The following COBL variants were observed in gnomAD, a reference collection of about 807,000 sequenced individuals.
The protein encoded by COBL is protein cordon-bleu.
In COBL, 51 loss-of-function variants were observed where a neutral mutation model predicts 98.8. That is an observed-to-expected ratio of 0.52 (90% CI 0.41 to 0.65). COBL has a LOEUF of 0.65. Ranked by LOEUF, COBL falls within the 30% of genes least tolerant of loss-of-function variation. The pLI is 0.00. For missense variants in COBL, 1,617 were observed against 1,617.5 expected (o/e 1.00, Z 0.01); for synonymous variants, 634 against 651.7 (o/e 0.97, Z 0.41).
intron 6 of COBL, among the ~76,000 whole-genome samples, chr7:51,112,814 C>T (rs1796955179): frequency 6.6e-6 from 1 of 152,152 alleles, no homozygotes; most frequent in South Asian, 2.1e-4. Flanking sequence ...GCTTCAGTTG[C>T]CCCATCTAGA....
chr7:51,122,633 T>G (rs117627781), intron 6 of COBL, among the ~76,000 whole-genome samples: 1 of 152,350 alleles, frequency 6.6e-6, no homozygotes, highest in Non-Finnish European at 1.5e-5. Flanking sequence ...TCTTTGCTAG[T>G]TTTGTTAATT....
At chr7:51,188,817 C>T (rs761354527) in intron 4 of COBL, among the ~76,000 whole-genome samples, 8 of 152,184 alleles carry the variant, frequency 5.3e-5, no homozygotes, top group Non-Finnish European at 1.0e-4. Context: ...ATGGGCTATC[C>T]TGGGTCCTCT....
At chr7:51,234,702 GA>G (rs71021761) in intron 1 of COBL, among the ~76,000 whole-genome samples, 72,050 of 113,914 alleles carry the variant, frequency 0.63, 20,206 homozygotes, top group East Asian at 0.7. Context: ...CCCTGTTTCA[GA>G]AAAAAAAAAA....
At chr7:51,158,397 A>G (rs1786412406) in intron 5 of COBL, among the ~76,000 whole-genome samples, 1 of 151,870 alleles carries the variant, frequency 6.6e-6, no homozygotes, top group African/African-American at 2.4e-5. Flanking sequence ...GAGCCTCCTC[A>G]CTCACACGCG....
At chr7:51,060,273 C>T (rs1791197507) in intron 7 of COBL, among the ~76,000 whole-genome samples, 1 of 152,242 alleles carries the variant, frequency 6.6e-6, no homozygotes, top group South Asian at 2.1e-4. Flanking sequence ...CTTGCTTCTC[C>T]ATCAGTAGCT....
At chr7:51,032,997 T>C (rs1405286475) in intron 8 of COBL, 2 of 152,168 alleles carry the variant, frequency 1.3e-5, no homozygotes, top group African/African-American at 4.8e-5. Flanking sequence ...TTCAAAGTAT[T>C]TGCCTTTATT....
intron 1 of COBL, among the ~76,000 whole-genome samples, chr7:51,301,595 C>T (rs998900317): frequency 1.3e-5 from 2 of 152,238 alleles, no homozygotes; most frequent in African/African-American, 4.8e-5. Context: ...GTCTAATATT[C>T]GAAGAACAAT....
At chr7:51,068,373 C>T (rs2128920259) in intron 7 of COBL, among the ~76,000 whole-genome samples, 1 of 152,292 alleles carries the variant, frequency 6.6e-6, no homozygotes, top group East Asian at 1.9e-4. Context: ...TCATTAGGGT[C>T]ATCAATTTTA....
At chr7:51,136,362 A>G in intron 5 of COBL, 31 bp from the exon 6 acceptor site, 1 of 1,594,852 alleles carries the variant, frequency 6.3e-7, no homozygotes, top group South Asian at 1.1e-5. Flanking sequence ...AGAAAACCAA[A>G]TCAGTATGAG....
chr7:51,240,550 TA>T (rs1795691598), intron 1 of COBL, among the ~76,000 whole-genome samples: 1 of 149,632 alleles, frequency 6.7e-6, no homozygotes, highest in African/African-American at 2.5e-5. Context: ...ATTTTTTTTT[TA>T]TTTTATTTTT....
intron 1 of COBL, among the ~76,000 whole-genome samples, chr7:51,235,159 A>G (rs1795130854): frequency 1.3e-5 from 2 of 152,216 alleles, no homozygotes; most frequent in Non-Finnish European, 2.9e-5. Flanking sequence ...GAAGTCAAGC[A>G]GCCCAACCTG....
chr7:51,183,178 T>C (rs1241855029), intron 5 of COBL, among the ~76,000 whole-genome samples: 1 of 152,210 alleles, frequency 6.6e-6, no homozygotes, highest in Non-Finnish European at 1.5e-5. Flanking sequence ...TACATGCACC[T>C]ATCTGCACCA....
intron 1 of COBL, among the ~76,000 whole-genome samples, chr7:51,255,928 A>G (rs1797157533): frequency 6.6e-6 from 1 of 152,148 alleles, no homozygotes; most frequent in Admixed American, 6.6e-5. Flanking sequence ...CCAGCTCCTG[A>G]GGGCAAGGCC....
intron 8 of COBL, chr7:51,032,090 A>G (rs930236135): frequency 3.9e-5 from 6 of 152,232 alleles, no homozygotes; most frequent in Non-Finnish European, 7.3e-5. Flanking sequence ...TACAGTGATG[A>G]AACTATGTAC....
intron 1 of COBL, among the ~76,000 whole-genome samples, chr7:51,247,109 C>G (rs746837949): frequency 1.3e-5 from 2 of 152,222 alleles, no homozygotes; most frequent in Non-Finnish European, 2.9e-5. Context: ...CTTCCATGCC[C>G]AAGGCAGAAG....
intron 1 of COBL, among the ~76,000 whole-genome samples, chr7:51,283,580 G>C (rs763740045): frequency 6.6e-6 from 1 of 152,124 alleles, no homozygotes; most frequent in Non-Finnish European, 1.5e-5. Context: ...TGCCTCCTGG[G>C]TTCAAGCAAT....
chr7:51,315,695 C>T (rs1803495571), intron 1 of COBL, among the ~76,000 whole-genome samples: 1 of 152,234 alleles, frequency 6.6e-6, no homozygotes, highest in South Asian at 2.1e-4. Context: ...ACCCCGCGGC[C>T]CAGCCTGCAC....
rs548341300 is a variant in COBL at position 51,043,800 on chromosome 7, G to A, written c.1097-108C>T. 1,701 of 913,976 alleles carry A rather than the reference G, an allele frequency of 1.9e-3. 5 individuals are homozygous for A. Among genetic ancestry groups the A allele is most frequent in the Middle Eastern group, 5.0e-3 (16 of 3,226 alleles). The allele number at this position is 913,976 out of a possible 1,614,324, so 56.6% of individuals were successfully genotyped here. ...GCCCCGCTCTAAAATTTGGGATTCA[G>A]GGTGCTCAAAGTAAAGGAAGAACCT... On this transcript the variant is annotated intron_variant, in intron 7 of 12. Coordinates refer to ENST00000265136, the MANE Select transcript of COBL (RefSeq NM_015198.5).
chr7:51,208,919 C>T lies in COBL; in HGVS notation c.245+10822G>A, dbSNP rs531307077. Reference sequence around the variant, plus strand: ...CAGGGACACAAACACTGCAGAAGGCCGCAGGGTCCTCTGCCTAGGAAAACC... The same window carrying T: ...CAGGGACACAAACACTGCAGAAGGCTGCAGGGTCCTCTGCCTAGGAAAACC... On this transcript the variant is annotated intron_variant, in intron 2 of 12. Transcript: ENST00000265136. Among the ~76,000 whole-genome samples, 828 of 151,926 alleles carry T rather than the reference C, an allele frequency of 5.5e-3. 8 individuals are homozygous for T. Among genetic ancestry groups the T allele is most frequent in the African/African-American group, 0.018 (765 of 41,404 alleles).
Sources: allele counts gnomAD v4.1 joint callset (sites outside exome capture counted in the v4.1 genomes callset), GRCh38; gene constraint gnomAD v4.1.1; transcripts MANE v1.5; gene names NCBI Gene and HGNC (gene_info 2026-07-23, HGNC 2026-07-21).